The following C9orf153 variants were observed in gnomAD, a reference collection of about 807,000 sequenced individuals.
C9orf153 encodes chromosome 9 open reading frame 153.
In C9orf153, 10 loss-of-function variants were observed where a neutral mutation model predicts 9.0. The observed-to-expected ratio is 1.11, with a 90% CI of 0.69 to 1.89. C9orf153 has a LOEUF of 1.89. C9orf153 is among the 40% of genes most tolerant of loss of function. C9orf153 has a pLI of 0.00. For missense variants in C9orf153, 108 were observed against 111.0 expected, an observed-to-expected ratio of 0.97 and a Z score of 0.12; for synonymous variants, 35 against 37.3, an observed-to-expected ratio of 0.94 and a Z score of 0.23.
intron 3 of C9orf153, among the ~76,000 whole-genome samples, chr9:86,225,587 T>C (rs941318734): frequency 6.6e-6 from 1 of 152,080 alleles, no homozygotes; most frequent in Admixed American, 6.6e-5. Flanking sequence ...GCCTCCCAAG[T>C]AGCTGGGATT....
chr9:86,253,378 A>C (rs1825036807), intron 1 of C9orf153, among the ~76,000 whole-genome samples: 1 of 152,232 alleles, frequency 6.6e-6, no homozygotes, highest in Non-Finnish European at 1.5e-5. Flanking sequence ...GACAGGTCCA[A>C]GAAACTCAAG....
chr9:86,239,193 G>A (rs1056448705), intron 1 of C9orf153, among the ~76,000 whole-genome samples: 4 of 151,850 alleles, frequency 2.6e-5, no homozygotes, highest in African/African-American at 4.8e-5. Flanking sequence ...CCCGGGAGGC[G>A]GAGGTTGCGG....
chr9:86,257,911 A>T (rs114721642), intron 1 of C9orf153, among the ~76,000 whole-genome samples: 2,081 of 152,254 alleles, frequency 0.014, 44 homozygotes, highest in African/African-American at 0.047. Flanking sequence ...GGGCAGCTCA[A>T]ACAACCCATC....
Position 86,229,597 on chromosome 9 carries a change from G to C in C9orf153, c.7C>G (p.Leu3Val). The change falls in exon 2 of 4, where the codon CTC becomes GTC. Residue 3 changes from leucine to valine, a missense_variant. Transcript: ENST00000339137. The stretch of plus-strand genomic sequence containing the variant: ...TCAGCTGGACTGGTGTCTCCAGTGA[G>C]GAACATCGTGCTGGGATTTTATTCT... MF[L>V]TGDTSPAEDN... The C allele has an allele frequency of 6.2e-7, 1 of 1,611,026 alleles. No individual in the cohort carries two copies. The highest frequency in any genetic ancestry group is 8.5e-7 in the Non-Finnish European group (1 of 1,177,594).
intron 3 of C9orf153, among the ~76,000 whole-genome samples, chr9:86,225,216 T>A (rs1824295728): frequency 6.6e-6 from 1 of 152,166 alleles, no homozygotes. Flanking sequence ...TCTTCTGGAC[T>A]GAGTAGGAGA....
intron 1 of C9orf153, among the ~76,000 whole-genome samples, chr9:86,252,288 C>T (rs1825012677): frequency 6.6e-6 from 1 of 152,154 alleles, no homozygotes. Flanking sequence ...CCTGCCTCAG[C>T]CTCCCAAATT....
At chr9:86,228,982 T>G (rs954279016) in intron 2 of C9orf153, 7 of 270,782 alleles carry the variant, frequency 2.6e-5, no homozygotes, top group Non-Finnish European at 5.3e-5. Flanking sequence ...CAACTTCAAG[T>G]AAGAGGCGAC....
intron 1 of C9orf153, among the ~76,000 whole-genome samples, chr9:86,252,364 T>C (rs1460730314): frequency 6.6e-6 from 1 of 152,166 alleles, no homozygotes; most frequent in Non-Finnish European, 1.5e-5. Context: ...TTTGGAAAAC[T>C]GAGTCTCCTC....
chr9:86,242,669 C>A (rs2131195162), intron 1 of C9orf153, among the ~76,000 whole-genome samples: 1 of 152,212 alleles, frequency 6.6e-6, no homozygotes, highest in Non-Finnish European at 1.5e-5. Flanking sequence ...CACAGAGCAT[C>A]CTCTGGAAGG....
chr9:86,222,885 C>G (rs1355961225), intron 3 of C9orf153, among the ~76,000 whole-genome samples: 1 of 152,198 alleles, frequency 6.6e-6, no homozygotes, highest in Non-Finnish European at 1.5e-5. Flanking sequence ...AGTCCAAAGA[C>G]TGAGCAGGCA....
intron 1 of C9orf153, among the ~76,000 whole-genome samples, chr9:86,248,727 A>G (rs1272018259): frequency 6.6e-6 from 1 of 152,014 alleles, no homozygotes; most frequent in Admixed American, 6.6e-5. Flanking sequence ...TCTCTGTAGA[A>G]AAAAAAACCT....
At chr9:86,225,618 C>T (rs1347837272) in intron 3 of C9orf153, among the ~76,000 whole-genome samples, 1 of 152,056 alleles carries the variant, frequency 6.6e-6, no homozygotes, top group Non-Finnish European at 1.5e-5. Context: ...GCCGCAACGC[C>T]CAGCTAATTT....
intron 1 of C9orf153, among the ~76,000 whole-genome samples, chr9:86,250,499 T>C (rs1316469114): frequency 6.6e-6 from 1 of 152,206 alleles, no homozygotes; most frequent in Non-Finnish European, 1.5e-5. Flanking sequence ...ATTTATACAA[T>C]AAGATCTTTG....
chr9:86,259,357 G>A (rs575465090), intron 1 of C9orf153, among the ~76,000 whole-genome samples, 193 bp downstream of exon 1: 38 of 152,236 alleles, frequency 2.5e-4, no homozygotes, highest in Non-Finnish European at 5.3e-4. Context: ...CCTGCCTGGA[G>A]GAAGATGAAA....
intron 1 of C9orf153, among the ~76,000 whole-genome samples, chr9:86,239,988 T>C (rs751883504): frequency 6.6e-6 from 1 of 152,166 alleles, no homozygotes; most frequent in South Asian, 2.1e-4. Context: ...TTATGTGTCT[T>C]ATAGATAATG....
At chr9:86,243,055 T>C (rs1824783719) in intron 1 of C9orf153, among the ~76,000 whole-genome samples, 1 of 152,236 alleles carries the variant, frequency 6.6e-6, no homozygotes, top group Admixed American at 6.5e-5. Flanking sequence ...CTATTTTGAA[T>C]GTTTTCCACT....
intron 1 of C9orf153, among the ~76,000 whole-genome samples, chr9:86,251,725 T>C (rs1824998058): frequency 6.6e-6 from 1 of 151,942 alleles, no homozygotes; most frequent in Non-Finnish European, 1.5e-5. Context: ...TTATAAAAGG[T>C]TTATGGAAAC....
At chr9:86,242,681 C>T (rs999317891) in intron 1 of C9orf153, among the ~76,000 whole-genome samples, 33 of 152,042 alleles carry the variant, frequency 2.2e-4, no homozygotes, top group African/African-American at 7.2e-4. Flanking sequence ...TCTGGAAGGA[C>T]GCACGCCACT....
intron 1 of C9orf153, among the ~76,000 whole-genome samples, chr9:86,232,974 C>T (rs1300365892): frequency 6.6e-6 from 1 of 152,052 alleles, no homozygotes; most frequent in African/African-American, 2.4e-5. Flanking sequence ...CTCAAGTGAT[C>T]CACCCACCTC....
Sources: gnomAD v4.1 joint callset for allele counts (sites outside exome capture counted in the v4.1 genomes callset) on GRCh38, gnomAD v4.1.1 for gene constraint, MANE v1.5 for transcripts, NCBI Gene and HGNC (gene_info 2026-07-23, HGNC 2026-07-21) for gene names.